SYNJ2BP: variants seen among roughly 807,000 people sequenced by gnomAD.
SYNJ2BP encodes the protein synaptojanin-2-binding protein.
Under a neutral mutation model 16.9 loss-of-function variants are expected in SYNJ2BP, and 10 were observed. That is an observed-to-expected ratio of 0.59 (90% confidence interval 0.36 to 1.00). The LOEUF (loss-of-function observed/expected upper bound fraction) is 1.00, where lower values mean the gene tolerates loss of function less well. Among genes scored for constraint, SYNJ2BP ranks in the 50% least tolerant of loss-of-function variants. SYNJ2BP has a pLI of 0.01. For synonymous variants in SYNJ2BP, 54 were observed against 68.4 expected (o/e 0.79, Z 1.04); for missense variants, 162 against 186.7 (o/e 0.87, Z 0.77).
chr14:70,369,784 C>G lies in SYNJ2BP; in HGVS notation c.*3207G>C, dbSNP rs1022435802. On this transcript the variant is annotated 3_prime_UTR_variant, in exon 4 of 4. Transcript: ENST00000256366. ...GAAAACAAAGTACAGCTAGTTGAAG[C>G]AAACAATATCTTATAATTATACATG... is the stretch of plus-strand genomic sequence containing the variant. 6.6e-6 allele frequency: 1 copy of G among 152,088 alleles called. No individual in the cohort carries two copies. The highest frequency in any genetic ancestry group is 2.4e-5 in the African/African-American group (1 of 41,420). 9.4% of individuals were successfully genotyped at this position (152,088 alleles called of 1,614,324 possible).
chr14:70,410,207 G>C (rs1274780327), intron 1 of SYNJ2BP, among the ~76,000 whole-genome samples: 1 of 152,268 alleles, frequency 6.6e-6, no homozygotes, highest in East Asian at 1.9e-4. Flanking sequence ...TTGAGCTCAG[G>C]AGTTGGAGAC....
At chr14:70,398,613 C>A (rs1228432531) in intron 1 of SYNJ2BP, among the ~76,000 whole-genome samples, 4 of 152,154 alleles carry the variant, frequency 2.6e-5, no homozygotes, top group Non-Finnish European at 4.4e-5. Context: ...AGGGAGAGGC[C>A]AGGCAGCAGG....
In SYNJ2BP at chr14:70,400,171, A is replaced by G. The variant is rs1466554061; in HGVS notation, c.65-11565T>C. Among the ~76,000 whole-genome samples the G allele has an allele frequency of 2.0e-5, 3 of 152,254 alleles. No homozygotes were observed. The South Asian group carries it at 6.2e-4, about 32-fold the overall frequency. On this transcript the variant is annotated intron_variant, in intron 1 of 3. Coordinates refer to ENST00000256366, the MANE Select transcript of SYNJ2BP (RefSeq NM_018373.3). ...AACCTGTACTCAAGGACTATAATCCATCTTTTGAAGAGGATCAAAACAAGA... is the reference window on the plus strand; with the variant it reads ...AACCTGTACTCAAGGACTATAATCCGTCTTTTGAAGAGGATCAAAACAAGA...
chr14:70,385,768 C>T (rs1887847109), intron 2 of SYNJ2BP, among the ~76,000 whole-genome samples: 1 of 152,112 alleles, frequency 6.6e-6, no homozygotes, highest in East Asian at 1.9e-4. Flanking sequence ...ATCCTAGCTC[C>T]TCATTTACCT....
chr14:70,389,126 C>T (rs1887925531), intron 1 of SYNJ2BP, among the ~76,000 whole-genome samples: 2 of 152,036 alleles, frequency 1.3e-5, no homozygotes, highest in Non-Finnish European at 2.9e-5. Context: ...AGTTCTTCTA[C>T]TCACATTTAG....
intron 1 of SYNJ2BP, among the ~76,000 whole-genome samples, chr14:70,401,540 T>TTC (rs398025565): frequency 6.7e-6 from 1 of 149,128 alleles, no homozygotes; most frequent in African/African-American, 2.5e-5. Context: ...TTTTTTTTTT[T>TTC]CAGTCAATTG....
Position 70,373,818 on chromosome 14 carries a change from C to T in SYNJ2BP, c.298-687G>A, listed in dbSNP as rs531971048. 7.9e-5 allele frequency among the ~76,000 whole-genome samples: 12 copies of T among 152,324 alleles called. No homozygotes were observed. In the East Asian group the frequency reaches 2.1e-3, roughly 27 times the overall value. On this transcript the variant is annotated intron_variant, in intron 3 of 3. Coordinates refer to ENST00000256366, the MANE Select transcript of SYNJ2BP (RefSeq NM_018373.3). ...GTGTTTCCTTTTGAGGCTGGATGGT[C>T]TTCATTTTAGTGATGGTTTTCAGGG...
intron 2 of SYNJ2BP, among the ~76,000 whole-genome samples, chr14:70,383,288 T>C (rs139551886): frequency 1.4e-3 from 206 of 152,314 alleles, no homozygotes; most frequent in African/African-American, 4.7e-3. Flanking sequence ...CTGCAGCTGA[T>C]TGGATGAGGG....
Position 70,388,481 on chromosome 14 carries a change from T to C in SYNJ2BP, c.190A>G (p.Lys64Glu). 1 of 1,576,710 alleles carries C rather than the reference T, an allele frequency of 6.3e-7. No homozygotes were observed. The highest frequency in any genetic ancestry group is 8.6e-7 in the Non-Finnish European group (1 of 1,163,704). ...AAGCCCATTCTCACCGAAAGGATCT[T>C]ATCACCCTCCTGGAGCCGCCCATCC... is the stretch of plus-strand genomic sequence containing the variant. ...ALDGRLQEGD[K>E]ILSVNGQDLK... The change falls in exon 2 of 4, where the codon AAG becomes GAG. Residue 64 changes from lysine to glutamate, a missense_variant. Coordinates refer to ENST00000256366, the MANE Select transcript of SYNJ2BP (RefSeq NM_018373.3).
intron 1 of SYNJ2BP, among the ~76,000 whole-genome samples, chr14:70,407,004 G>A (rs1360519780): frequency 6.6e-6 from 1 of 152,204 alleles, no homozygotes; most frequent in Admixed American, 6.5e-5. Context: ...TTCATTGAAT[G>A]TGAATCATGC....
chr14:70,388,114 C>T (rs1451493295), intron 2 of SYNJ2BP, among the ~76,000 whole-genome samples: 1 of 152,152 alleles, frequency 6.6e-6, no homozygotes, highest in Non-Finnish European at 1.5e-5. Flanking sequence ...AAGGAAGATA[C>T]ACATTAGTGT....
At chr14:70,380,532 C>T (rs1191315292) in intron 2 of SYNJ2BP, among the ~76,000 whole-genome samples, 3 of 151,714 alleles carry the variant, frequency 2.0e-5, no homozygotes, top group Non-Finnish European at 2.9e-5. Flanking sequence ...CGTGGTGGCG[C>T]ACACCTGTAG....
rs1887439242 is a variant in SYNJ2BP, at chr14:70,368,318, A to G, written c.*4673T>C. 6.6e-6 allele frequency: 1 copy of G among 152,196 alleles called. No individual in the cohort carries two copies. The highest frequency in any genetic ancestry group is 1.5e-5 in the Non-Finnish European group (1 of 68,032). The allele number at this position is 152,196 out of a possible 1,614,324, so 9.4% of individuals were successfully genotyped here. A position where few individuals can be genotyped will look rare whatever the true frequency, so the allele number is the denominator to read the frequency against. ...CAGTTCTGGTCTTTATTCAGGCCCA[A>G]AGAGAGAAGAAAGAAGTAGACTAAG... On this transcript the variant is annotated 3_prime_UTR_variant, in exon 4 of 4. Transcript: ENST00000256366.
chr14:70,406,326 A>G (rs1208041361), intron 1 of SYNJ2BP, among the ~76,000 whole-genome samples: 1 of 152,222 alleles, frequency 6.6e-6, no homozygotes, highest in Non-Finnish European at 1.5e-5. Flanking sequence ...GATCTGACCT[A>G]ACTGACTCCA....
At chr14:70,408,690 A>T (rs1158678894) in intron 1 of SYNJ2BP, among the ~76,000 whole-genome samples, 1 of 144,352 alleles carries the variant, frequency 6.9e-6, no homozygotes, top group African/African-American at 2.6e-5. Context: ...AAAAAAAATC[A>T]TTGAATCCTC....
chr14:70,391,119 C>G (rs577078296), intron 1 of SYNJ2BP, among the ~76,000 whole-genome samples: 1 of 152,028 alleles, frequency 6.6e-6, no homozygotes, highest in Admixed American at 6.5e-5. Context: ...AGTGAGACCC[C>G]CATCTCAAAA....
chr14:70,382,121 A>G (rs192854127), intron 2 of SYNJ2BP, among the ~76,000 whole-genome samples: 120 of 152,294 alleles, frequency 7.9e-4, no homozygotes, highest in African/African-American at 9.4e-4. Flanking sequence ...CTGTAGTCCC[A>G]GCTACTCGGG....
At chr14:70,411,230 G>A (rs769171228) in intron 1 of SYNJ2BP, among the ~76,000 whole-genome samples, 2 of 152,096 alleles carry the variant, frequency 1.3e-5, no homozygotes, top group Non-Finnish European at 2.9e-5. Context: ...TCTGAAATGG[G>A]GATAATAACC....
chr14:70,407,035 C>G (rs1888360488), intron 1 of SYNJ2BP, among the ~76,000 whole-genome samples: 1 of 152,196 alleles, frequency 6.6e-6, no homozygotes, highest in South Asian at 2.1e-4. Flanking sequence ...TTGAGATGAA[C>G]CTGGTGATTA....
Sources: gnomAD v4.1 joint callset for allele counts (sites outside exome capture counted in the v4.1 genomes callset) on GRCh38, gnomAD v4.1.1 for gene constraint, MANE v1.5 for transcripts, NCBI Gene and HGNC (gene_info 2026-07-23, HGNC 2026-07-21) for gene names.